STIM2: variants seen among roughly 807,000 people sequenced by gnomAD.
The protein encoded by STIM2 is stromal interaction molecule 2.
A neutral mutation model predicts 85.8 loss-of-function variants in STIM2; 31 were observed. The observed-to-expected ratio is 0.36, with a 90% CI of 0.27 to 0.49. STIM2 has a LOEUF of 0.49. STIM2 is among the 20% of genes least tolerant of loss of function. STIM2 has a pLI of 0.98. For missense variants in STIM2, 841 were observed against 927.6 expected (o/e 0.91, Z 1.21); for synonymous variants, 356 against 331.1 (o/e 1.08, Z -0.82).
At chr4:26,863,187 A>G (rs1722282635) in intron 1 of STIM2, among the ~76,000 whole-genome samples, 2 of 152,110 alleles carry the variant, frequency 1.3e-5, no homozygotes, top group African/African-American at 2.4e-5. Flanking sequence ...ATGGGGGAAA[A>G]AGGTGATTCT....
At chr4:26,945,846 C>T (rs1725817633) in intron 2 of STIM2, among the ~76,000 whole-genome samples, 1 of 151,980 alleles carries the variant, frequency 6.6e-6, no homozygotes, top group Non-Finnish European at 1.5e-5. Context: ...GTACTTTTCA[C>T]TCAGTGTTGC....
rs903928983 is a variant in STIM2 at position 27,002,842 on chromosome 4, C to T, written c.804-85C>T. The T allele has an allele frequency of 5.4e-5, 62 of 1,155,924 alleles. No homozygotes were observed. In the Middle Eastern group the frequency reaches 1.0e-3, roughly 19 times the overall value. 71.6% of individuals were successfully genotyped at this position (1,155,924 alleles called of 1,614,324 possible). Reference sequence around the variant, plus strand: ...TTTCTGATTGAAATATGTATTTAATCGCTTGACCCAGTATTCATTATTTTG... The same window carrying T: ...TTTCTGATTGAAATATGTATTTAATTGCTTGACCCAGTATTCATTATTTTG... On this transcript the variant is annotated intron_variant, in intron 6 of 11. Transcript: ENST00000467087.
At chr4:26,905,698 G>T (rs1724097973) in intron 1 of STIM2, among the ~76,000 whole-genome samples, 1 of 152,074 alleles carries the variant, frequency 6.6e-6, no homozygotes. Context: ...TAAATCCATG[G>T]CTATGTATTA....
At chr4:26,939,767 A>T (rs996448897) in intron 2 of STIM2, among the ~76,000 whole-genome samples, 2 of 152,104 alleles carry the variant, frequency 1.3e-5, no homozygotes, top group African/African-American at 4.8e-5. Flanking sequence ...ATTGTTGACC[A>T]CTTGGTTAAA....
intron 3 of STIM2, among the ~76,000 whole-genome samples, chr4:26,958,130 G>A (rs1453240144): frequency 2.0e-5 from 3 of 152,150 alleles, no homozygotes; most frequent in Admixed American, 1.3e-4. Context: ...TTTTTCTTAA[G>A]TAAATCCTTT....
chr4:26,916,861 C>T (rs1560206390), intron 1 of STIM2, among the ~76,000 whole-genome samples: 1 of 152,054 alleles, frequency 6.6e-6, no homozygotes, highest in Non-Finnish European at 1.5e-5. Flanking sequence ...AAACTTTTAC[C>T]TAACATGATA....
At chr4:26,888,803 G>A (rs1328682047) in intron 1 of STIM2, among the ~76,000 whole-genome samples, 2 of 152,204 alleles carry the variant, frequency 1.3e-5, no homozygotes, top group Non-Finnish European at 2.9e-5. Context: ...TTTAATCACA[G>A]AGCGTGAAAG....
intron 1 of STIM2, among the ~76,000 whole-genome samples, chr4:26,879,745 T>G (rs1722935274): frequency 6.6e-6 from 1 of 152,214 alleles, no homozygotes; most frequent in Admixed American, 6.5e-5. Context: ...TTCCTTGTCA[T>G]TAGAAACACA....
chr4:26,906,396 C>G (rs1724125740), intron 1 of STIM2, among the ~76,000 whole-genome samples: 1 of 149,770 alleles, frequency 6.7e-6, no homozygotes, highest in Non-Finnish European at 1.5e-5. Context: ...ACCTGTGTAA[C>G]AAACCTGCTG....
At chr4:26,901,247 TGTA>T in intron 1 of STIM2, among the ~76,000 whole-genome samples, 1 of 152,324 alleles carries the variant, frequency 6.6e-6, no homozygotes, top group Middle Eastern at 3.4e-3. Flanking sequence ...TCAACACACT[TGTA>T]GTTTTTTTTG....
intron 1 of STIM2, among the ~76,000 whole-genome samples, chr4:26,916,469 C>T (rs1013169526): frequency 6.6e-6 from 1 of 152,158 alleles, no homozygotes; most frequent in Non-Finnish European, 1.5e-5. Flanking sequence ...CCACTGTCAC[C>T]AGAGGGATCT....
intron 2 of STIM2, among the ~76,000 whole-genome samples, chr4:26,928,080 G>A (rs1725048133): frequency 6.6e-6 from 1 of 151,796 alleles, no homozygotes; most frequent in Non-Finnish European, 1.5e-5. Context: ...CCTGGAGGGA[G>A]GACTGTTTTC....
chr4:26,903,396 G>A (rs1390295252), intron 1 of STIM2, among the ~76,000 whole-genome samples: 3 of 152,112 alleles, frequency 2.0e-5, no homozygotes, highest in Non-Finnish European at 4.4e-5. Flanking sequence ...CTCACTAGCT[G>A]AACGGTTTTG....
At chr4:26,914,852 C>T (rs1026615184) in intron 1 of STIM2, among the ~76,000 whole-genome samples, 64 of 152,224 alleles carry the variant, frequency 4.2e-4, no homozygotes, top group African/African-American at 1.5e-3. Context: ...GATATGTATT[C>T]TAGATTGTGA....
At chr4:26,965,599 A>G (rs1036132340) in intron 3 of STIM2, among the ~76,000 whole-genome samples, 1 of 152,072 alleles carries the variant, frequency 6.6e-6, no homozygotes, top group East Asian at 1.9e-4. Context: ...TCTACCCATC[A>G]GGGCTGTTTT....
chr4:26,945,890 C>T (rs376769153), intron 2 of STIM2, among the ~76,000 whole-genome samples: 13 of 152,126 alleles, frequency 8.5e-5, no homozygotes, highest in African/African-American at 3.1e-4. Flanking sequence ...CCTAAAACTG[C>T]TCTAGAAAAT....
At chr4:26,913,607 A>C (rs1277054721) in intron 1 of STIM2, among the ~76,000 whole-genome samples, 1 of 152,236 alleles carries the variant, frequency 6.6e-6, no homozygotes, top group Non-Finnish European at 1.5e-5. Context: ...ATTCAGTGTT[A>C]AAAGGTGAGT....
At chr4:27,019,867 G>A (rs983294761) in intron 11 of STIM2, among the ~76,000 whole-genome samples, 2 of 152,182 alleles carry the variant, frequency 1.3e-5, no homozygotes, top group African/African-American at 4.8e-5. Context: ...ATTCCAAAGA[G>A]TATGTACTCT....
At chr4:26,972,105 T>C (rs1027211882) in intron 3 of STIM2, among the ~76,000 whole-genome samples, 1 of 152,232 alleles carries the variant, frequency 6.6e-6, no homozygotes, top group African/African-American at 2.4e-5. Context: ...CCTGACACTT[T>C]ACTGAAGTTG....
Sources: allele counts gnomAD v4.1 joint callset (sites outside exome capture counted in the v4.1 genomes callset), GRCh38; gene constraint gnomAD v4.1.1; transcripts MANE v1.5; gene names NCBI Gene and HGNC (gene_info 2026-07-23, HGNC 2026-07-21).